Variants in ASIC2 observed in about 807,000 individuals in gnomAD.
The protein encoded by ASIC2 is acid-sensing ion channel 2.
A neutral mutation model predicts 57.3 loss-of-function variants in ASIC2; 25 were observed. That is an observed-to-expected ratio of 0.44 (90% confidence interval 0.32 to 0.61). ASIC2 has a LOEUF of 0.61. Ranked by LOEUF, ASIC2 falls within the 20% of genes least tolerant of loss-of-function variation. The pLI is 0.06. For missense variants in ASIC2, 641 were observed against 738.1 expected (o/e 0.87, Z 1.52); for synonymous variants, 319 against 307.5 (o/e 1.04, Z -0.39).
intron 1 of ASIC2, among the ~76,000 whole-genome samples, chr17:34,128,287 A>G (rs938367737): frequency 5.9e-5 from 9 of 152,136 alleles, no homozygotes; most frequent in South Asian, 2.1e-4. Context: ...CCTTGTCCCT[A>G]TTGAGAAGTT....
chr17:34,088,108 G>GA (rs1335083894), intron 1 of ASIC2, among the ~76,000 whole-genome samples: 1 of 152,234 alleles, frequency 6.6e-6, no homozygotes, highest in African/African-American at 2.4e-5. Context: ...TGGAGGAGGA[G>GA]AGGCGCTCTG....
rs145566953 is a variant in ASIC2, at chr17:33,781,904, C to T, written c.555+374074G>A. ...TCCACTTGTAGATATAACTTGAGTG[C>T]CTCCCATTTCTTCTTCTCTGGCCCA... On this transcript the variant is annotated intron_variant, in intron 1 of 9. Transcript: ENST00000359872. Among the ~76,000 whole-genome samples, 696 of 152,120 alleles carry T rather than the reference C, an allele frequency of 4.6e-3. 8 individuals carry two copies. The highest frequency in any genetic ancestry group is 0.014 in the Middle Eastern group (4 of 294).
chr17:33,959,373 T>C (rs921964370), intron 1 of ASIC2, among the ~76,000 whole-genome samples: 9 of 152,148 alleles, frequency 5.9e-5, no homozygotes, highest in African/African-American at 1.7e-4. Flanking sequence ...ACTAATAGGA[T>C]AGATGTATAT....
At chr17:34,059,623 C>T (rs1221503522) in intron 1 of ASIC2, among the ~76,000 whole-genome samples, 1 of 152,184 alleles carries the variant, frequency 6.6e-6, no homozygotes, top group Non-Finnish European at 1.5e-5. Context: ...CACCCTCCTC[C>T]TGCAAACAGA....
chr17:33,933,525 C>A (rs528772576), intron 1 of ASIC2, among the ~76,000 whole-genome samples: 1 of 152,280 alleles, frequency 6.6e-6, no homozygotes, highest in African/African-American at 2.4e-5. Context: ...CGGGACAGAG[C>A]AGGAATTGAT....
chr17:34,151,046 T>A (rs1335408682), intron 1 of ASIC2, among the ~76,000 whole-genome samples: 2 of 145,128 alleles, frequency 1.4e-5, no homozygotes, highest in East Asian at 4.0e-4. Context: ...GAGGTTGCAG[T>A]GAGCTAAGAT....
intron 1 of ASIC2, among the ~76,000 whole-genome samples, chr17:33,322,660 C>G (rs999839200): frequency 6.6e-6 from 1 of 152,134 alleles, no homozygotes; most frequent in Non-Finnish European, 1.5e-5. Context: ...GACCCAATAC[C>G]TCCTTCCAAC....
At chr17:34,015,035 C>A (rs1461952761) in intron 1 of ASIC2, among the ~76,000 whole-genome samples, 1 of 151,500 alleles carries the variant, frequency 6.6e-6, no homozygotes, top group Non-Finnish European at 1.5e-5. Flanking sequence ...CAGGTGTGCA[C>A]CACCACACTT....
chr17:33,892,618 T>C (rs1914993370), intron 1 of ASIC2, among the ~76,000 whole-genome samples: 1 of 152,224 alleles, frequency 6.6e-6, no homozygotes, highest in African/African-American at 2.4e-5. Context: ...CAGCATGCCT[T>C]CCTCACTGGA....
intron 1 of ASIC2, among the ~76,000 whole-genome samples, chr17:33,524,570 G>T (rs977490828): frequency 1.3e-5 from 2 of 152,106 alleles, no homozygotes; most frequent in Non-Finnish European, 2.9e-5. Context: ...CTGGGAGGGG[G>T]TGTCACAGCT....
At chr17:33,477,387 T>C (rs186540432) in intron 1 of ASIC2, among the ~76,000 whole-genome samples, 196 of 152,280 alleles carry the variant, frequency 1.3e-3, no homozygotes, top group African/African-American at 4.6e-3. Flanking sequence ...CCTGAATCAG[T>C]GAGGTGAGAT....
At chr17:33,562,727 A>C (rs1916112458) in intron 1 of ASIC2, among the ~76,000 whole-genome samples, 1 of 152,094 alleles carries the variant, frequency 6.6e-6, no homozygotes, top group South Asian at 2.1e-4. Context: ...TAGCCTCCAG[A>C]GGGTTGATAT....
rs2091793317 is a variant in ASIC2, at chr17:33,014,052, T to C, written c.1605A>G (p.Thr535=). ...SHDENVSTCD[T]MPNHSETISH... ...TGATGGTTTCAGAGTGGTTTGGCAT[T>C]GTGTCACAAGTACTCTGGAAGGGAA... Residue 535 remains threonine, a synonymous_variant, in exon 10 of 10, where the codon ACA becomes ACG. Transcript: ENST00000225823. 1.2e-6 allele frequency: 2 copies of C among 1,600,574 alleles called. No individual in the cohort carries two copies. The highest frequency in any genetic ancestry group is 2.3e-5 in the South Asian group (2 of 88,456).
intron 1 of ASIC2, among the ~76,000 whole-genome samples, chr17:33,190,443 T>C (rs1906368757): frequency 6.6e-6 from 1 of 152,116 alleles, no homozygotes; most frequent in Non-Finnish European, 1.5e-5. Context: ...AGATTAAATA[T>C]TGTTACATCA....
intron 6 of ASIC2, 126 bp downstream of exon 6, chr17:33,023,735 A>T: frequency 7.9e-7 from 1 of 1,264,432 alleles, no homozygotes; most frequent in East Asian, 2.4e-5. Context: ...TGACACACAG[A>T]GGGTGTTCAA....
intron 1 of ASIC2, among the ~76,000 whole-genome samples, chr17:34,045,602 C>T (rs1908305898): frequency 6.6e-6 from 1 of 152,186 alleles, no homozygotes; most frequent in Non-Finnish European, 1.5e-5. Flanking sequence ...GTTACTTTCC[C>T]TGCATGGACT....
chr17:33,497,447 T>C (rs1336543552), intron 1 of ASIC2, among the ~76,000 whole-genome samples: 1 of 152,054 alleles, frequency 6.6e-6, no homozygotes, highest in Non-Finnish European at 1.5e-5. Flanking sequence ...CAAGAATAGG[T>C]CAGAGGAAGG....
In ASIC2 at chr17:33,131,964, C is replaced by T. The variant is rs148991906; in HGVS notation, c.709-19897G>A. ...GGAAATGGGGCCAGATACAATCATC[C>T]TGAGACAGGAGAAAACCATCTCCCA... On this transcript the variant is annotated intron_variant, in intron 1 of 9. Coordinates refer to ENST00000225823, the MANE Select transcript of ASIC2 (RefSeq NM_183377.2). 2.7e-3 allele frequency among the ~76,000 whole-genome samples: 406 copies of T among 152,226 alleles called. 1 individual carries two copies. Among genetic ancestry groups the T allele is most frequent in the African/African-American group, 9.3e-3 (388 of 41,528 alleles).
chr17:33,813,427 TTTTTTG>T (rs1912483841), intron 1 of ASIC2, among the ~76,000 whole-genome samples: 1 of 151,944 alleles, frequency 6.6e-6, no homozygotes, highest in East Asian at 1.9e-4. Context: ...AAAGCCAAGT[TTTTTTG>T]TTTTTGATTT....
Sources: gnomAD v4.1 joint callset for allele counts (sites outside exome capture counted in the v4.1 genomes callset) on GRCh38, gnomAD v4.1.1 for gene constraint, MANE v1.5 for transcripts, NCBI Gene and HGNC (gene_info 2026-07-23, HGNC 2026-07-21) for gene names.